RPTOR: variants seen among roughly 807,000 people sequenced by gnomAD.
RPTOR encodes regulatory associated protein of MTOR complex 1, also known as regulatory-associated protein of mTOR.
A neutral mutation model predicts 169.9 loss-of-function variants in RPTOR; 21 were observed. That is an observed-to-expected ratio of 0.12 (90% CI 0.09 to 0.18). The LOEUF (loss-of-function observed/expected upper bound fraction) is 0.18. RPTOR is among the 10% of genes least tolerant of loss of function. The pLI, the probability that RPTOR is intolerant of heterozygous loss-of-function variation, is 1.00. For missense variants in RPTOR, 1,133 were observed against 1,855.9 expected (o/e 0.61, Z 7.16); for synonymous variants, 732 against 753.2 (o/e 0.97, Z 0.46).
At chr17:80,579,422 C>T (rs2064995521) in intron 1 of RPTOR, among the ~76,000 whole-genome samples, 1 of 152,174 alleles carries the variant, frequency 6.6e-6, no homozygotes, top group Non-Finnish European at 1.5e-5. Context: ...GAACTCCCGA[C>T]CTCAGGTGAT....
At chr17:80,949,928 C>T (rs955982970) in intron 28 of RPTOR, among the ~76,000 whole-genome samples, 2 of 152,266 alleles carry the variant, frequency 1.3e-5, no homozygotes, top group Non-Finnish European at 2.9e-5. Flanking sequence ...AAATTTAACT[C>T]CTCCTTGGGG....
chr17:80,583,788 T>C (rs1282532677), intron 1 of RPTOR, among the ~76,000 whole-genome samples: 1 of 152,224 alleles, frequency 6.6e-6, no homozygotes, highest in Non-Finnish European at 1.5e-5. Flanking sequence ...TCCGATGATA[T>C]GCAGGTGCAG....
chr17:80,644,744 T>C (rs935307314), intron 3 of RPTOR, among the ~76,000 whole-genome samples: 17 of 152,230 alleles, frequency 1.1e-4, no homozygotes, highest in Non-Finnish European at 4.4e-5. Flanking sequence ...CCTTATACAT[T>C]ATTTACATTC....
chr17:80,871,454 G>C (rs1322867521), intron 13 of RPTOR, among the ~76,000 whole-genome samples: 1 of 152,164 alleles, frequency 6.6e-6, no homozygotes, highest in Non-Finnish European at 1.5e-5. Context: ...TAATGAGGGT[G>C]CATGCTGTTG....
At chr17:80,867,564 A>G (rs1442873086) in intron 13 of RPTOR, among the ~76,000 whole-genome samples, 1 of 152,228 alleles carries the variant, frequency 6.6e-6, no homozygotes, top group Admixed American at 6.5e-5. Context: ...AAGGCATTCA[A>G]GTTCAAAAGG....
At chr17:80,842,170 G>GTCCTCA (rs2067678519) in intron 10 of RPTOR, among the ~76,000 whole-genome samples, 2 of 152,238 alleles carry the variant, frequency 1.3e-5, no homozygotes, top group Non-Finnish European at 2.9e-5. Flanking sequence ...CACTAACAGT[G>GTCCTCA]CTGGCTAGAG....
rs9890760 is a variant in RPTOR, at chr17:80,889,958, G to A, written c.1984-1762G>A. ...GTACGCAGCAGGATGTGCGGCCTCCGAGGGAGGCCCCCGTACACAGCAGGA... is the reference window on the plus strand; with the variant it reads ...GTACGCAGCAGGATGTGCGGCCTCCAAGGGAGGCCCCCGTACACAGCAGGA... On this transcript the variant is annotated intron_variant, in intron 17 of 33. Coordinates refer to ENST00000306801, the MANE Select transcript of RPTOR (RefSeq NM_020761.3). Among the ~76,000 whole-genome samples, 216 of 79,004 alleles carry A rather than the reference G, an allele frequency of 2.7e-3. 7 individuals are homozygous for A. Among genetic ancestry groups the A allele is most frequent in the African/African-American group, 8.9e-3 (189 of 21,328 alleles). 51.8% of individuals were successfully genotyped at this position (79,004 alleles called of 152,430 possible).
intron 10 of RPTOR, among the ~76,000 whole-genome samples, chr17:80,840,913 ACTCT>A (rs1340147971): frequency 8.2e-6 from 1 of 122,452 alleles, no homozygotes; most frequent in Non-Finnish European, 1.7e-5. Flanking sequence ...ACGGCAGCTC[ACTCT>A]CACCACACGG....
At chr17:80,722,187 A>G (rs1168174753) in intron 4 of RPTOR, among the ~76,000 whole-genome samples, 2 of 151,032 alleles carry the variant, frequency 1.3e-5, no homozygotes, top group African/African-American at 2.5e-5. Flanking sequence ...TGCCGTCATC[A>G]TCATCATCAT....
rs543896112 is a variant in RPTOR, at chr17:80,730,496, T to C, written c.508-64T>C. ...GTGTGTGCCTTTTGTAACGGTGCAGTACTCACCAGCAGCCCATATTCCTGA... is the reference window on the plus strand; with the variant it reads ...GTGTGTGCCTTTTGTAACGGTGCAGCACTCACCAGCAGCCCATATTCCTGA... On this transcript the variant is annotated intron_variant, in intron 4 of 33. Transcript: ENST00000306801. The surrounding 1 kb of genome is among the most constrained non-coding windows in gnomAD (Gnocchi z 4.2). 5 of 1,575,266 alleles carry C rather than the reference T, an allele frequency of 3.2e-6. No individual in the cohort carries two copies. The highest frequency in any genetic ancestry group is 1.1e-5 in the South Asian group (1 of 89,076).
At position 80,823,585 on chromosome 17, in the gene RPTOR, C is replaced by T. The variant is rs2067406081; in HGVS notation, c.1136+362C>T. On this transcript the variant is annotated intron_variant, in intron 9 of 33. Coordinates refer to ENST00000306801, the MANE Select transcript of RPTOR (RefSeq NM_020761.3). The surrounding 1 kb of genome is among the most constrained non-coding windows in gnomAD (Gnocchi z 4.5). ...TGAATTTATGAAGCACATGCAAGAT[C>T]GCTCTGGAGAATTAAACTGTTGGGC... The T allele has an allele frequency of 1.0e-5, 2 of 195,802 alleles. No individual in the cohort carries two copies. The highest frequency in any genetic ancestry group is 5.3e-5 in the Admixed American group (1 of 18,972). The allele number at this position is 195,802 out of a possible 1,614,324, so 12.1% of individuals were successfully genotyped here. A position where few individuals can be genotyped will look rare whatever the true frequency, so the allele number is the denominator to read the frequency against.
Position 80,659,017 on chromosome 17 carries a change from A to G in RPTOR, c.348+15207A>G, listed in dbSNP as rs1046018386. ...TGGACTCAGCTGTTGCTGTCAGCAC[A>G]GTGTGGACTTGAGGGCATGACTAGA... is the stretch of plus-strand genomic sequence containing the variant. On this transcript the variant is annotated intron_variant, in intron 3 of 33. Transcript: ENST00000306801. This position sits in a 1 kb window ranked among gnomAD's most constrained non-coding sequence, Gnocchi z 4.3. 6.6e-6 allele frequency among the ~76,000 whole-genome samples: 1 copy of G among 152,170 alleles called. No individual in the cohort carries two copies. The highest frequency in any genetic ancestry group is 1.5e-5 in the Non-Finnish European group (1 of 68,032).
intron 2 of RPTOR, among the ~76,000 whole-genome samples, chr17:80,629,104 C>T (rs1408710470): frequency 6.7e-6 from 1 of 148,200 alleles, no homozygotes; most frequent in Non-Finnish European, 1.5e-5. Context: ...TCTCTATCTT[C>T]TGGGACTCAG....
At chr17:80,808,895 TCA>T (rs142946461) in intron 7 of RPTOR, among the ~76,000 whole-genome samples, 1,747 of 152,334 alleles carry the variant, frequency 0.011, 36 homozygotes, top group African/African-American at 0.039. Flanking sequence ...ACCCTGTGTG[TCA>T]CAGTTTGTTT....
intron 6 of RPTOR, among the ~76,000 whole-genome samples, chr17:80,760,059 C>A (rs1272450258): frequency 6.6e-6 from 1 of 152,046 alleles, no homozygotes; most frequent in Non-Finnish European, 1.5e-5. Context: ...TGTTGAAGTT[C>A]CATGTTTTAT....
intron 12 of RPTOR, among the ~76,000 whole-genome samples, chr17:80,856,031 C>T (rs982055210): frequency 6.6e-6 from 1 of 152,142 alleles, no homozygotes; most frequent in African/African-American, 2.4e-5. Context: ...ACTAAAAACA[C>T]CCTGGCAGAG....
rs775568563 is a variant in RPTOR at position 80,883,451 on chromosome 17, C to T, written c.1617C>T (p.Leu539=). Residue 539 remains leucine (L), a synonymous_variant, in exon 15 of 34, where the codon CTC becomes CTT. Coordinates refer to ENST00000306801, the MANE Select transcript of RPTOR (RefSeq NM_020761.3). The part of the protein sequence containing the change: ...AEHRTMTAFI[L]AVIVNSYHTG... ...ACCGGACCATGACGGCTTTCATTCT[C>T]GCCGTGATCGTCAACAGCTATCACA... is the stretch of plus-strand genomic sequence containing the variant. 2.5e-6 allele frequency: 4 copies of T among 1,614,130 alleles called. No homozygotes were observed. Among genetic ancestry groups the T allele is most frequent in the Non-Finnish European group, 2.5e-6 (3 of 1,180,030 alleles).
chr17:80,890,054 G>A (rs1038058833), intron 17 of RPTOR, among the ~76,000 whole-genome samples: 1 of 148,108 alleles, frequency 6.8e-6, no homozygotes, highest in Non-Finnish European at 1.5e-5. Flanking sequence ...GCCCCTGTAT[G>A]CAGCAGGATG....
intron 24 of RPTOR, among the ~76,000 whole-genome samples, chr17:80,930,418 C>G (rs2068877692): frequency 7.2e-5 from 2 of 27,916 alleles, no homozygotes; most frequent in African/African-American, 1.5e-4. Context: ...CCCAGCTCAT[C>G]CTCAGCTCAT....
Sources: allele counts gnomAD v4.1 joint callset (sites outside exome capture counted in the v4.1 genomes callset), GRCh38; gene constraint gnomAD v4.1.1; non-coding constraint Gnocchi (gnomAD v3.1); transcripts MANE v1.5; gene names NCBI Gene and HGNC (gene_info 2026-07-23, HGNC 2026-07-21).